ARL15: variants seen among roughly 807,000 people sequenced by gnomAD.
The protein encoded by ARL15 is ADP-ribosylation factor-like protein 15.
In ARL15, 19 loss-of-function variants were observed where a neutral mutation model predicts 25.2. That is an observed-to-expected ratio of 0.75 (90% CI 0.53 to 1.10). ARL15 has a LOEUF of 1.10. Among genes scored for constraint, ARL15 ranks in the 50% least tolerant of loss-of-function variants. ARL15 has a pLI of 0.00. For missense variants in ARL15, 220 were observed against 246.0 expected, an observed-to-expected ratio of 0.89 and a Z score of 0.71; for synonymous variants, 94 against 86.8, an observed-to-expected ratio of 1.08 and a Z score of -0.46.
rs796070705 is a variant in ARL15 at position 53,884,413 on chromosome 5, C to A, written c.*2148G>T. The A allele has an allele frequency of 1.3e-4, 20 of 149,682 alleles. No homozygotes were observed. The highest frequency in any genetic ancestry group is 4.7e-4 in the African/African-American group (19 of 40,560). The allele number at this position is 149,682 out of a possible 1,614,324, so 9.3% of individuals were successfully genotyped here. On this transcript the variant is annotated 3_prime_UTR_variant, in exon 5 of 5. Transcript: ENST00000504924. ...CCCACCCGTTCAGGCCCCACCCCGC[C>A]CCCACGTGGATTTCCAAAACATGGC... is the stretch of plus-strand genomic sequence containing the variant.
intron 1 of ARL15, among the ~76,000 whole-genome samples, chr5:54,260,520 C>T (rs1232242967): frequency 6.6e-6 from 1 of 152,104 alleles, no homozygotes; most frequent in Non-Finnish European, 1.5e-5. Context: ...CATATTAACC[C>T]AACTCAAAGA....
At chr5:53,908,557 A>C (rs895517120) in intron 4 of ARL15, among the ~76,000 whole-genome samples, 1 of 152,234 alleles carries the variant, frequency 6.6e-6, no homozygotes, top group Non-Finnish European at 1.5e-5. Flanking sequence ...AGGTCTCAGA[A>C]CAAATGCCCC....
At chr5:54,024,732 A>G (rs1316577038) in intron 4 of ARL15, among the ~76,000 whole-genome samples, 4 of 152,186 alleles carry the variant, frequency 2.6e-5, no homozygotes, top group African/African-American at 9.6e-5. Context: ...ATAACAACCT[A>G]TTACTCAATA....
At chr5:54,241,150 G>A (rs1756946220) in intron 1 of ARL15, among the ~76,000 whole-genome samples, 1 of 151,880 alleles carries the variant, frequency 6.6e-6, no homozygotes, top group African/African-American at 2.4e-5. Flanking sequence ...CTAAAAATAA[G>A]CCTGCCTATG....
chr5:53,899,347 C>CAAAAAAAAA (rs59145507), intron 4 of ARL15, among the ~76,000 whole-genome samples: 24 of 89,372 alleles, frequency 2.7e-4, no homozygotes, highest in East Asian at 6.8e-4. Context: ...GACTCTATCC[C>CAAAAAAAAA]AAAAAAAAAA....
At chr5:54,047,848 T>G (rs1347915078) in intron 4 of ARL15, among the ~76,000 whole-genome samples, 2 of 152,226 alleles carry the variant, frequency 1.3e-5, no homozygotes, top group Admixed American at 1.3e-4. Context: ...CACAGACATG[T>G]TAAAGTTATA....
intron 4 of ARL15, among the ~76,000 whole-genome samples, chr5:54,074,703 T>A (rs1399731377): frequency 6.6e-6 from 1 of 152,174 alleles, no homozygotes; most frequent in African/African-American, 2.4e-5. Context: ...TTTACTTTAA[T>A]AGTATTAGAG....
intron 2 of ARL15, among the ~76,000 whole-genome samples, chr5:54,168,149 A>G (rs2112390496): frequency 6.6e-6 from 1 of 152,334 alleles, no homozygotes; most frequent in Non-Finnish European, 1.5e-5. Context: ...CAGTCACATA[A>G]CAGACATTCA....
chr5:54,287,564 T>C (rs1193346748), intron 1 of ARL15, among the ~76,000 whole-genome samples: 2 of 151,922 alleles, frequency 1.3e-5, no homozygotes, highest in Non-Finnish European at 2.9e-5. Flanking sequence ...ATGCATGCCC[T>C]AGACACCTTC....
rs561568892 is a variant in ARL15 at position 54,279,706 on chromosome 5, A to G, written c.48+30726T>C. Among the ~76,000 whole-genome samples the G allele has an allele frequency of 1.4e-4, 22 of 152,300 alleles. 1 individual carries two copies. In the South Asian group the frequency reaches 4.6e-3, roughly 32 times the overall value. On this transcript the variant is annotated intron_variant, in intron 1 of 4. Coordinates refer to ENST00000504924, the MANE Select transcript of ARL15 (RefSeq NM_019087.3). ...ATGAATCCATGACCAGCCTTTCTTCATTAAATAAGCAGGGACAGAGACTGA... is the reference window on the plus strand; with the variant it reads ...ATGAATCCATGACCAGCCTTTCTTCGTTAAATAAGCAGGGACAGAGACTGA...
chr5:53,892,777 T>G (rs1744761213), intron 4 of ARL15, among the ~76,000 whole-genome samples: 1 of 152,054 alleles, frequency 6.6e-6, no homozygotes, highest in African/African-American at 2.4e-5. Context: ...TAATTTATTT[T>G]TTATTTTTTG....
chr5:53,899,874 A>G (rs766759198), intron 4 of ARL15, among the ~76,000 whole-genome samples: 33 of 152,212 alleles, frequency 2.2e-4, no homozygotes, highest in Non-Finnish European at 2.4e-4. Context: ...CTTACAAATC[A>G]GGGACAGAAG....
chr5:53,988,395 C>A (rs902676753), intron 4 of ARL15, among the ~76,000 whole-genome samples: 1 of 151,612 alleles, frequency 6.6e-6, no homozygotes, highest in African/African-American at 2.4e-5. Context: ...GGACAATAGC[C>A]CCCACTTAAG....
At chr5:54,077,143 A>G (rs1218227899) in intron 4 of ARL15, among the ~76,000 whole-genome samples, 1 of 152,186 alleles carries the variant, frequency 6.6e-6, no homozygotes, top group Non-Finnish European at 1.5e-5. Flanking sequence ...CATTTACTCA[A>G]GTTCTTCAAA....
At chr5:54,214,271 G>A (rs1232292938) in intron 1 of ARL15, among the ~76,000 whole-genome samples, 2 of 152,100 alleles carry the variant, frequency 1.3e-5, no homozygotes, top group Non-Finnish European at 2.9e-5. Flanking sequence ...GTAGATAAGA[G>A]ATATCTTTCC....
intron 1 of ARL15, among the ~76,000 whole-genome samples, chr5:54,221,872 A>ACACAC: frequency 7.0e-6 from 1 of 141,962 alleles, no homozygotes; most frequent in African/African-American, 2.6e-5. Flanking sequence ...CACACACACA[A>ACACAC]AACCCTCATG....
intron 3 of ARL15, among the ~76,000 whole-genome samples, chr5:54,143,837 TA>T (rs1037177867): frequency 3.9e-5 from 6 of 152,206 alleles, no homozygotes; most frequent in Admixed American, 6.5e-5. Flanking sequence ...GCTGAATAGG[TA>T]AACTTTCAAA....
At chr5:54,216,615 G>C (rs932140544) in intron 1 of ARL15, among the ~76,000 whole-genome samples, 2 of 146,906 alleles carry the variant, frequency 1.4e-5, no homozygotes, top group African/African-American at 5.1e-5. Flanking sequence ...TATATTATGG[G>C]TATATGTATA....
At chr5:54,073,719 G>T (rs1451864460) in intron 4 of ARL15, among the ~76,000 whole-genome samples, 1 of 152,130 alleles carries the variant, frequency 6.6e-6, no homozygotes, top group Non-Finnish European at 1.5e-5. Context: ...CCAAAGAAAT[G>T]TTTTCCTACT....
Sources: allele counts gnomAD v4.1 joint callset (sites outside exome capture counted in the v4.1 genomes callset), GRCh38; gene constraint gnomAD v4.1.1; transcripts MANE v1.5; gene names NCBI Gene and HGNC (gene_info 2026-07-23, HGNC 2026-07-21).